BSPRY: variants seen among roughly 807,000 people sequenced by gnomAD.
The protein encoded by BSPRY is B-box and SPRY domain containing, also known as B box and SPRY domain-containing protein.
BSPRY carries 33 observed loss-of-function variants against 38.0 expected under a neutral mutation model. That is an observed-to-expected ratio of 0.87 (90% CI 0.66 to 1.16). The LOEUF (loss-of-function observed/expected upper bound fraction) is 1.16, where lower values mean the gene tolerates loss of function less well. BSPRY is among the 50% of genes most tolerant of loss of function. The pLI is 0.00. For synonymous variants in BSPRY, 224 were observed against 228.5 expected (o/e 0.98, Z 0.18); for missense variants, 523 against 533.2 (o/e 0.98, Z 0.19).
In BSPRY at chr9:113,360,770, T is replaced by A. The variant is rs1330850574; in HGVS notation, c.531+33T>A. ...AGGCAAGGGTGAGGGCATGACCAGTTGGCCAGGCTCCCCAAAAGCCTGAAA... is the reference window on the plus strand; with the variant it reads ...AGGCAAGGGTGAGGGCATGACCAGTAGGCCAGGCTCCCCAAAAGCCTGAAA... On this transcript the variant is annotated intron_variant, in intron 3 of 5. Transcript: ENST00000374183. The A allele has an allele frequency of 2.6e-6, 4 of 1,514,580 alleles. No individual in the cohort carries two copies. In the African/African-American group the frequency reaches 5.5e-5, roughly 21 times the overall value. The allele number at this position is 1,514,580 out of a possible 1,614,324, so 93.8% of individuals were successfully genotyped here. A position where few individuals can be genotyped will look rare whatever the true frequency, so the allele number is the denominator to read the frequency against.
chr9:113,362,174 G>GTGT (rs1834164373), intron 3 of BSPRY, among the ~76,000 whole-genome samples, 195 bp from the exon 4 acceptor site: 1 of 141,248 alleles, frequency 7.1e-6, no homozygotes, highest in Non-Finnish European at 1.5e-5. Context: ...ATGTGTTATG[G>GTGT]GTGTGTGTGT....
chr9:113,354,155 TGTG>T, intron 1 of BSPRY, 82 bp from the exon 2 acceptor site: 1 of 904,946 alleles, frequency 1.1e-6, no homozygotes, highest in Non-Finnish European at 1.7e-6. Context: ...GTGGCTGACA[TGTG>T]GTAACAGGAG....
At chr9:113,353,657 C>G (rs577625052) in intron 1 of BSPRY, among the ~76,000 whole-genome samples, 1 of 151,964 alleles carries the variant, frequency 6.6e-6, no homozygotes, top group Non-Finnish European at 1.5e-5. Context: ...GAGCCGAGAT[C>G]GCACCACTGC....
chr9:113,356,618 A>G (rs531004045), intron 2 of BSPRY, among the ~76,000 whole-genome samples: 8 of 152,352 alleles, frequency 5.3e-5, no homozygotes, highest in African/African-American at 1.2e-4. Context: ...GTGGGAAACA[A>G]GTGTGGTCTG....
chr9:113,360,427 T>A (rs1834130544), intron 2 of BSPRY, 80 bp from the exon 3 acceptor site: 2 of 1,347,458 alleles, frequency 1.5e-6, no homozygotes, highest in Admixed American at 2.0e-5. Context: ...CAACACTCCT[T>A]TCCACTGAGC....
Position 113,370,681 on chromosome 9 carries a change from A to C in BSPRY, c.*539A>C, listed in dbSNP as rs554587552. On this transcript the variant is annotated 3_prime_UTR_variant, in exon 6 of 6. Transcript: ENST00000374183. This position sits in a 1 kb window ranked among gnomAD's most constrained non-coding sequence, Gnocchi z 4.8. ...GGCAGGTGAGTGGATGGATAGATGGATAGGTGAATGTAGGTGGACAGGTGA... is the reference window on the plus strand; with the variant it reads ...GGCAGGTGAGTGGATGGATAGATGGCTAGGTGAATGTAGGTGGACAGGTGA... 2 of 152,412 alleles carry C rather than the reference A, an allele frequency of 1.3e-5. No individual in the cohort carries two copies. The highest frequency in any genetic ancestry group is 1.3e-4 in the Admixed American group (2 of 15,290). 9.4% of individuals were successfully genotyped at this position (152,412 alleles called of 1,614,324 possible).
rs1834022475 is a variant in BSPRY at position 113,354,320 on chromosome 9, G to T, written c.282G>T (p.Gly94=). ...AGTATGTGGCGGACGTCCTGCCGGGGAAGAATCAAAGAGCAGTGGTAATTC... is the reference window on the plus strand; with the variant it reads ...AGTATGTGGCGGACGTCCTGCCGGGTAAGAATCAAAGAGCAGTGGTAATTC... ...ITKYVADVLP[G]KNQRAVSMAS... is the part of the protein sequence containing the mutation. The change falls in exon 2 of 6, where the codon GGG becomes GGT. Residue 94 remains glycine (G), a synonymous_variant. Coordinates refer to ENST00000374183, the MANE Select transcript of BSPRY (RefSeq NM_017688.3). The T allele has an allele frequency of 6.2e-7, 1 of 1,614,066 alleles. No individual in the cohort carries two copies. Among genetic ancestry groups the T allele is most frequent in the Non-Finnish European group, 8.5e-7 (1 of 1,179,928 alleles).
rs151309657 is a variant in BSPRY at position 113,360,759 on chromosome 9, G to T, written c.531+22G>T. ...GATTGTAAGTCAGGCAAGGGTGAGG[G>T]CATGACCAGTTGGCCAGGCTCCCCA... On this transcript the variant is annotated intron_variant, in intron 3 of 5. Coordinates refer to ENST00000374183, the MANE Select transcript of BSPRY (RefSeq NM_017688.3). The T allele has an allele frequency of 2.7e-4, 412 of 1,547,312 alleles. 3 individuals are homozygous for T. In the East Asian group the frequency reaches 9.1e-3, roughly 34 times the overall value.
Position 113,368,284 on chromosome 9 carries a change from G to A in BSPRY, c.583G>A (p.Asp195Asn), listed in dbSNP as rs770093625. ...GACCGAAGAAGCAGAGGGCATTTTG[G>A]ATCCCCAGGAGTCGGAAATGTTAAA... ...ERTEEAEGIL[D>N]PQESEMLNFN... The change falls in exon 5 of 6, where the codon GAT (aspartate) becomes AAT (asparagine). Residue 195 changes from aspartate to asparagine, a missense_variant. Transcript: ENST00000374183. 3 of 1,614,114 alleles carry A rather than the reference G, an allele frequency of 1.9e-6. No individual in the cohort carries two copies. The highest frequency in any genetic ancestry group is 2.5e-6 in the Non-Finnish European group (3 of 1,180,000).
At position 113,360,716 on chromosome 9, in the gene BSPRY, C is replaced by T. The variant is rs757912706; in HGVS notation, c.510C>T (p.His170=). 1 of 1,594,014 alleles carries T rather than the reference C, an allele frequency of 6.3e-7. No individual in the cohort carries two copies. The highest frequency in any genetic ancestry group is 1.1e-5 in the South Asian group (1 of 87,850). The change falls in exon 3 of 6, where the codon CAC becomes CAT. Residue 170 remains histidine, a synonymous_variant. Transcript: ENST00000374183. ...IRTGLVGMLT[H]LDDLQLIQKE... is the part of the protein sequence containing the mutation. ...CTGGCCTGGTGGGCATGCTTACTCACCTGGATGACCTCCAGCTGATTGTAA... is the reference window on the plus strand; with the variant it reads ...CTGGCCTGGTGGGCATGCTTACTCATCTGGATGACCTCCAGCTGATTGTAA...
At chr9:113,362,038 C>T (rs1203104816) in intron 3 of BSPRY, among the ~76,000 whole-genome samples, 1 of 152,202 alleles carries the variant, frequency 6.6e-6, no homozygotes, top group Non-Finnish European at 1.5e-5. Context: ...CAGAAAGAGT[C>T]GCAGCCGTCC....
At chr9:113,358,588 A>G (rs1332670248) in intron 2 of BSPRY, among the ~76,000 whole-genome samples, 2 of 152,112 alleles carry the variant, frequency 1.3e-5, no homozygotes, top group African/African-American at 4.8e-5. Flanking sequence ...TTTTAAAAGG[A>G]TGCTTGGGCT....
At chr9:113,360,139 G>T (rs1406736149) in intron 2 of BSPRY, among the ~76,000 whole-genome samples, 1 of 152,094 alleles carries the variant, frequency 6.6e-6, no homozygotes, top group Admixed American at 6.6e-5. Flanking sequence ...TGACTTTTTA[G>T]GCCCTCTGCT....
chr9:113,357,115 A>G (rs1447260219), intron 2 of BSPRY, among the ~76,000 whole-genome samples: 3 of 152,216 alleles, frequency 2.0e-5, no homozygotes, highest in African/African-American at 7.2e-5. Flanking sequence ...TTCACCTCCT[A>G]TTGAGAAGAC....
At chr9:113,355,404 G>A (rs10981764) in intron 2 of BSPRY, among the ~76,000 whole-genome samples, 50,054 of 151,960 alleles carry the variant, frequency 0.33, 9,287 homozygotes, top group South Asian at 0.45. Context: ...GTCCTCTTAG[G>A]ACCTAAAAGG....
chr9:113,351,064 C>T (rs959420475), intron 1 of BSPRY, among the ~76,000 whole-genome samples: 2 of 152,062 alleles, frequency 1.3e-5, no homozygotes, highest in African/African-American at 4.8e-5. Context: ...TGCTTTGCTT[C>T]GGCGGTTGGA....
intron 3 of BSPRY, among the ~76,000 whole-genome samples, chr9:113,360,991 C>T (rs1318691134): frequency 6.6e-6 from 1 of 152,114 alleles, no homozygotes; most frequent in Non-Finnish European, 1.5e-5. Context: ...AACCCCCATC[C>T]TTGATATCTG....
chr9:113,360,391 C>T, intron 2 of BSPRY, 116 bp from the exon 3 acceptor site: 2 of 931,918 alleles, frequency 2.1e-6, no homozygotes, highest in Non-Finnish European at 1.6e-6. Flanking sequence ...ATTACTAAGC[C>T]CGTGGCAGAC....
At chr9:113,368,512 C>G in intron 5 of BSPRY, 129 bp downstream of exon 5, 1 of 1,281,568 alleles carries the variant, frequency 7.8e-7, no homozygotes, top group Non-Finnish European at 1.1e-6. Flanking sequence ...ATGCTGGATG[C>G]AGGCTGGTCA....
Sources: gnomAD v4.1 joint callset for allele counts (sites outside exome capture counted in the v4.1 genomes callset) on GRCh38, gnomAD v4.1.1 for gene constraint, Gnocchi (gnomAD v3.1) non-coding constraint, MANE v1.5 for transcripts, NCBI Gene and HGNC (gene_info 2026-07-23, HGNC 2026-07-21) for gene names.